Variants in ROBO1 observed in about 807,000 individuals in gnomAD.
The protein encoded by ROBO1 is roundabout guidance receptor 1, also known as roundabout homolog 1.
ROBO1 carries 149 observed loss-of-function variants against 195.9 expected under a neutral mutation model. That is an observed-to-expected ratio of 0.76 (90% confidence interval 0.67 to 0.87). The LOEUF (loss-of-function observed/expected upper bound fraction) is 0.87, where lower values mean the gene tolerates loss of function less well. Ranked by LOEUF, ROBO1 falls within the 40% of genes least tolerant of loss-of-function variation. The pLI is 0.00. For synonymous variants in ROBO1, 816 were observed against 733.2 expected, an observed-to-expected ratio of 1.11 and a Z score of -1.82; for missense variants, 1,933 against 2,068.3, an observed-to-expected ratio of 0.93 and a Z score of 1.27.
intron 1 of ROBO1, among the ~76,000 whole-genome samples, chr3:79,681,156 G>T (rs1168364099): frequency 6.6e-6 from 1 of 151,996 alleles, no homozygotes; most frequent in African/African-American, 2.4e-5. Flanking sequence ...TGTAGGAGCT[G>T]ATATTTTGAT....
intron 3 of ROBO1, among the ~76,000 whole-genome samples, chr3:79,114,417 T>C (rs947034374): frequency 2.0e-5 from 3 of 152,222 alleles, no homozygotes; most frequent in African/African-American, 7.2e-5. Context: ...TTTGCAGATA[T>C]AGTAGCATAT....
intron 4 of ROBO1, among the ~76,000 whole-genome samples, chr3:78,934,522 A>T (rs919703256): frequency 6.6e-6 from 1 of 152,056 alleles, no homozygotes; most frequent in Non-Finnish European, 1.5e-5. Context: ...TCAAACATAA[A>T]AAGTCTGTCC....
At chr3:79,074,967 C>G (rs7615107) in intron 3 of ROBO1, among the ~76,000 whole-genome samples, 1 of 151,910 alleles carries the variant, frequency 6.6e-6, no homozygotes, top group African/African-American at 2.4e-5. Flanking sequence ...AAAACAGAAA[C>G]CTTTAATTGT....
chr3:78,685,180 G>A lies in ROBO1; in HGVS notation c.1342+566C>T, dbSNP rs921683371. Among the ~76,000 whole-genome samples the A allele has an allele frequency of 1.2e-3, 182 of 152,000 alleles. 2 individuals are homozygous for A. Among genetic ancestry groups the A allele is most frequent in the Non-Finnish European group, 2.6e-3 (175 of 67,944 alleles). On this transcript the variant is annotated intron_variant, in intron 10 of 30. Transcript: ENST00000464233. ...CAGAGAATAAAACATATTTATATGT[G>A]TTTTTTTCTTTTTCTTTCATCTTCT...
In ROBO1 at chr3:78,717,860, G is replaced by A; in HGVS notation, c.681C>T (p.Ile227=). 1 of 1,613,422 alleles carries A rather than the reference G, an allele frequency of 6.2e-7. No homozygotes were observed. The highest frequency in any genetic ancestry group is 8.5e-7 in the Non-Finnish European group (1 of 1,179,606). ...RITIRGGKLM[I]TYTRKSDAGK... ...CAGCGTCACTTTTACGGGTGTAAGT[G>A]ATCATGAGCTTTCCTCCTCGTATCT... is the stretch of plus-strand genomic sequence containing the variant. The change falls in exon 6 of 31, where the codon ATC becomes ATT. Residue 227 remains isoleucine (I), a synonymous_variant. Transcript: ENST00000464233.
intron 3 of ROBO1, among the ~76,000 whole-genome samples, chr3:79,070,898 C>A (rs752725218): frequency 4.8e-4 from 72 of 151,440 alleles, no homozygotes; most frequent in Non-Finnish European, 9.6e-4. Flanking sequence ...TCTTTTTATA[C>A]TGACTTTTAA....
At position 78,919,908 on chromosome 3, in the gene ROBO1, G is replaced by C. The variant is rs967292995; in HGVS notation, c.499+18693C>G. On this transcript the variant is annotated intron_variant, in intron 4 of 30. Coordinates refer to ENST00000464233, the MANE Select transcript of ROBO1 (RefSeq NM_002941.4). Reference sequence around the variant, plus strand: ...ATAATGCATAGATATCAAAGCCACAGCTTAATCCTAAATGCAAAACATAAA... The same window carrying C: ...ATAATGCATAGATATCAAAGCCACACCTTAATCCTAAATGCAAAACATAAA... Among the ~76,000 whole-genome samples, 7 of 152,266 alleles carry C rather than the reference G, an allele frequency of 4.6e-5. No individual in the cohort carries two copies. In the East Asian group the frequency reaches 1.4e-3, roughly 29 times the overall value.
At position 79,720,126 on chromosome 3, in the gene ROBO1, A is replaced by C. The variant is rs187596934; in HGVS notation, c.-51+47626T>G. ...AATCTTTAAAGATGGCCCTCAATGA[A>C]TCAGACTTTCCAGTATTCGTGCCCT... On this transcript the variant is annotated intron_variant, in intron 1 of 30. Coordinates refer to ENST00000464233, the MANE Select transcript of ROBO1 (RefSeq NM_002941.4). Among the ~76,000 whole-genome samples, 737 of 152,330 alleles carry C rather than the reference A, an allele frequency of 4.8e-3. 4 individuals are homozygous for C. Among genetic ancestry groups the C allele is most frequent in the Middle Eastern group, 0.01 (3 of 294 alleles).
intron 10 of ROBO1, among the ~76,000 whole-genome samples, chr3:78,675,097 T>C (rs1708318678): frequency 6.6e-6 from 1 of 152,038 alleles, no homozygotes; most frequent in Admixed American, 6.5e-5. Context: ...ACAATCCTAG[T>C]GCTCAATACT....
chr3:79,091,289 T>C (rs1255516337), intron 3 of ROBO1, among the ~76,000 whole-genome samples: 1 of 152,156 alleles, frequency 6.6e-6, no homozygotes, highest in Non-Finnish European at 1.5e-5. Context: ...AGACTGTCCA[T>C]TGCACTATTT....
chr3:79,233,176 G>A (rs1310356394), intron 2 of ROBO1, among the ~76,000 whole-genome samples: 1 of 151,962 alleles, frequency 6.6e-6, no homozygotes, highest in Non-Finnish European at 1.5e-5. Context: ...GATAAAAAGA[G>A]GAGGAGAAGG....
intron 2 of ROBO1, among the ~76,000 whole-genome samples, chr3:79,498,292 G>A (rs560823376): frequency 1.6e-3 from 245 of 151,040 alleles, no homozygotes; most frequent in Non-Finnish European, 3.1e-3. Context: ...AATTTATACC[G>A]CCATATGGAA....
chr3:78,701,548 G>A (rs976538702), intron 8 of ROBO1, among the ~76,000 whole-genome samples: 5 of 152,064 alleles, frequency 3.3e-5, no homozygotes, highest in African/African-American at 1.2e-4. Context: ...ACCTAAATCA[G>A]GTCAAAATTA....
At chr3:79,148,023 T>C (rs1337301495) in intron 2 of ROBO1, among the ~76,000 whole-genome samples, 8 of 151,856 alleles carry the variant, frequency 5.3e-5, no homozygotes, top group African/African-American at 1.7e-4. Flanking sequence ...TCACAGACAT[T>C]TCAGAAATAG....
intron 2 of ROBO1, among the ~76,000 whole-genome samples, chr3:79,210,989 CA>C (rs2081957598): frequency 6.6e-6 from 1 of 151,852 alleles, no homozygotes; most frequent in South Asian, 2.1e-4. Flanking sequence ...ATAAAATAGG[CA>C]TATAATATTA....
intron 2 of ROBO1, among the ~76,000 whole-genome samples, chr3:79,400,306 C>G (rs111712757): frequency 4.6e-5 from 7 of 152,160 alleles, no homozygotes; most frequent in African/African-American, 1.7e-4. Context: ...CACACACTTA[C>G]GCACACCAAG....
chr3:79,741,392 CT>C (rs541215915), intron 1 of ROBO1, among the ~76,000 whole-genome samples: 32 of 148,310 alleles, frequency 2.2e-4, no homozygotes, highest in South Asian at 1.1e-3. Context: ...TCAGATTTGA[CT>C]TTTTTTTTTA....
chr3:79,384,477 T>C (rs1393055055), intron 2 of ROBO1, among the ~76,000 whole-genome samples: 3 of 151,940 alleles, frequency 2.0e-5, no homozygotes, highest in African/African-American at 7.2e-5. Context: ...AGAATAACTA[T>C]ATAAGAATTG....
intron 4 of ROBO1, among the ~76,000 whole-genome samples, chr3:78,765,281 C>T (rs1472729265): frequency 1.3e-5 from 2 of 151,868 alleles, no homozygotes; most frequent in African/African-American, 2.4e-5. Context: ...ATTATATTTA[C>T]AAGACAGAAC....
Sources: gnomAD v4.1 joint callset for allele counts (sites outside exome capture counted in the v4.1 genomes callset) on GRCh38, gnomAD v4.1.1 for gene constraint, MANE v1.5 for transcripts, NCBI Gene and HGNC (gene_info 2026-07-23, HGNC 2026-07-21) for gene names.